KLHL13: variants seen among roughly 807,000 people sequenced by gnomAD.
KLHL13 encodes the protein kelch like family member 13, also known as kelch-like protein 13.
Under a neutral mutation model 37.1 loss-of-function variants are expected in KLHL13, and 10 were observed. The ratio of observed to expected loss-of-function variants is 0.27; its 90% CI spans 0.17 to 0.46. The LOEUF (loss-of-function observed/expected upper bound fraction) is 0.46, where lower values mean the gene tolerates loss of function less well. Among genes scored for constraint, KLHL13 ranks in the 20% least tolerant of loss-of-function variants. KLHL13 has a pLI of 1.00. For missense variants in KLHL13, 360 were observed against 509.3 expected (o/e 0.71, Z 2.82); for synonymous variants, 163 against 181.2 (o/e 0.90, Z 0.81).
intron 1 of KLHL13, among the ~76,000 whole-genome samples, chrX:118,098,180 T>C (rs1221020522): frequency 2.7e-5 from 3 of 111,744 alleles, no homozygotes; most frequent in African/African-American, 6.5e-5. Context: ...AACCTACTCA[T>C]TGGACAAAGG....
chrX:117,958,773 G>T (rs2053243426), intron 1 of KLHL13, among the ~76,000 whole-genome samples: 1 of 110,802 alleles, frequency 9.0e-6, no homozygotes, highest in Admixed American at 9.7e-5. Context: ...TATAATAAAT[G>T]CTTACCACTC....
At chrX:118,115,433 TG>T (rs2055457772) in intron 1 of KLHL13, among the ~76,000 whole-genome samples, 1 of 112,642 alleles carries the variant, frequency 8.9e-6, no homozygotes, top group East Asian at 2.8e-4. Context: ...TTTTAAAATA[TG>T]CTGCTTTTAG....
chrX:117,913,568 G>A (rs1465048023), intron 4 of KLHL13, among the ~76,000 whole-genome samples: 9 of 112,204 alleles, frequency 8.0e-5, no homozygotes, highest in Non-Finnish European at 1.1e-4. Flanking sequence ...CAACAAGGCC[G>A]GGGGCGGTGG....
At chrX:117,990,700 G>A (rs763511524) in intron 1 of KLHL13, among the ~76,000 whole-genome samples, 5 of 111,663 alleles carry the variant, frequency 4.5e-5, no homozygotes, top group African/African-American at 1.6e-4. Flanking sequence ...ATGGTATGCT[G>A]AGCAGTCAAG....
At chrX:118,031,730 G>A (rs777415533) in intron 1 of KLHL13, among the ~76,000 whole-genome samples, 27 of 104,509 alleles carry the variant, frequency 2.6e-4, no homozygotes, top group East Asian at 6.0e-4. Flanking sequence ...GAAAATTAGC[G>A]GAGGGAGCCA....
intron 2 of KLHL13, among the ~76,000 whole-genome samples, chrX:117,935,385 T>G (rs1234338671): frequency 8.9e-6 from 1 of 112,434 alleles, no homozygotes; most frequent in African/African-American, 3.2e-5. Context: ...ATGATTCCAT[T>G]TATATGAAAT....
At chrX:118,002,643 T>A (rs186600902) in intron 1 of KLHL13, among the ~76,000 whole-genome samples, 1,016 of 98,999 alleles carry the variant, frequency 0.01, 14 homozygotes, top group African/African-American at 0.037. Context: ...AATAAATAAA[T>A]AAAATGCTGT....
rs56763451 is a variant in KLHL13 at position 118,054,962 on chromosome X, T to TA, written c.-56+61545dup. Among the ~76,000 whole-genome samples the TA allele has an allele frequency of 5.6e-3, 560 of 100,744 alleles. 3 individuals carry two copies. Among genetic ancestry groups the TA allele is most frequent in the African/African-American group, 0.019 (524 of 27,924 alleles). 87.5% of individuals were successfully genotyped at this position (100,744 alleles called of 115,157 possible). On this transcript the variant is annotated intron_variant, in intron 1 of 6. Transcript: ENST00000371882. Reference sequence around the variant, plus strand: ...TTTAGTAAGTGATTTTCAAATATGGTAAAAAAAAAAAAAACTGGCAAATCA... The same window carrying TA: ...TTTAGTAAGTGATTTTCAAATATGGTAAAAAAAAAAAAAAACTGGCAAATCA...
At chrX:118,113,434 A>G (rs1227086644) in intron 1 of KLHL13, among the ~76,000 whole-genome samples, 1 of 112,067 alleles carries the variant, frequency 8.9e-6, no homozygotes, top group Non-Finnish European at 1.9e-5. Context: ...TCCAAGTCCT[A>G]TTTATCGGTT....
At chrX:118,027,648 T>TACACAC (rs34640779) in intron 1 of KLHL13, among the ~76,000 whole-genome samples, 1 of 103,803 alleles carries the variant, frequency 9.6e-6, no homozygotes, top group African/African-American at 3.5e-5. Flanking sequence ...TCTCCACACA[T>TACACAC]ACACACACAC....
intron 1 of KLHL13, among the ~76,000 whole-genome samples, chrX:118,057,205 AAC>A (rs1333594851): frequency 3.6e-5 from 4 of 112,154 alleles, no homozygotes; most frequent in African/African-American, 9.7e-5. Context: ...GTCTATGGTT[AAC>A]TATTTTCCAT....
At chrX:118,017,532 G>A (rs961729477) in intron 1 of KLHL13, among the ~76,000 whole-genome samples, 1 of 111,262 alleles carries the variant, frequency 9.0e-6, no homozygotes, top group African/African-American at 3.3e-5. Context: ...CTTGAACTAA[G>A]ATGGTGGTAG....
chrX:117,950,998 C>T (rs747156941), intron 1 of KLHL13, among the ~76,000 whole-genome samples: 6 of 111,894 alleles, frequency 5.4e-5, no homozygotes, highest in Admixed American at 1.9e-4. Flanking sequence ...ATGGTAGAAG[C>T]CATTTTCCAT....
chrX:118,033,811 T>C (rs759829165), intron 1 of KLHL13, among the ~76,000 whole-genome samples: 1 of 108,496 alleles, frequency 9.2e-6, no homozygotes, highest in African/African-American at 3.4e-5. Context: ...GGATAAAGAG[T>C]CAAGACCCAT....
intron 1 of KLHL13, among the ~76,000 whole-genome samples, chrX:118,078,532 T>G (rs1389641395): frequency 9.0e-6 from 1 of 111,618 alleles, no homozygotes; most frequent in Non-Finnish European, 1.9e-5. Context: ...GAGTCTGACC[T>G]CTTTTAGTTG....
chrX:117,903,179 C>CGAGAGAGAGAGAGAGAGA (rs56692141), intron 5 of KLHL13, among the ~76,000 whole-genome samples: 63 of 92,277 alleles, frequency 6.8e-4, no homozygotes, highest in African/African-American at 2.5e-3. Flanking sequence ...GAGAGGAGAG[C>CGAGAGAGAGAGAGAGAGA]GAGAGAGAGA....
intron 1 of KLHL13, among the ~76,000 whole-genome samples, chrX:118,100,912 T>C (rs938138118): frequency 2.7e-5 from 3 of 112,089 alleles, no homozygotes; most frequent in African/African-American, 9.7e-5. Flanking sequence ...CAATCATTTC[T>C]ATTCCTTCGG....
intron 6 of KLHL13, among the ~76,000 whole-genome samples, chrX:117,900,340 G>A (rs968852754): frequency 8.9e-6 from 1 of 112,029 alleles, no homozygotes; most frequent in Non-Finnish European, 1.9e-5. Context: ...AAGCAAAACA[G>A]TGTTCATTGT....
At chrX:118,043,529 A>T (rs1196837521) in intron 1 of KLHL13, among the ~76,000 whole-genome samples, 1 of 111,801 alleles carries the variant, frequency 8.9e-6, no homozygotes, top group Non-Finnish European at 1.9e-5. Flanking sequence ...CATTAAAAAG[A>T]CCATTCATCA....
Sources: allele counts gnomAD v4.1 joint callset (sites outside exome capture counted in the v4.1 genomes callset), GRCh38; gene constraint gnomAD v4.1.1; transcripts MANE v1.5; gene names NCBI Gene and HGNC (gene_info 2026-07-23, HGNC 2026-07-21).